Variants in CSNK1D observed in about 807,000 individuals in gnomAD.
The protein encoded by CSNK1D is casein kinase 1 delta, also known as casein kinase I isoform delta.
CSNK1D carries 16 observed loss-of-function variants against 46.6 expected under a neutral mutation model. The observed-to-expected ratio is 0.34, with a 90% CI of 0.23 to 0.52. The LOEUF is 0.52. CSNK1D is among the 20% of genes least tolerant of loss of function. The pLI, the probability that CSNK1D is intolerant of heterozygous loss-of-function variation, is 0.95. For synonymous variants in CSNK1D, 276 were observed against 228.2 expected, an observed-to-expected ratio of 1.21 and a Z score of -1.89; for missense variants, 398 against 578.4, an observed-to-expected ratio of 0.69 and a Z score of 3.20.
intron 1 of CSNK1D, among the ~76,000 whole-genome samples, chr17:82,266,504 C>T (rs2051472340): frequency 1.3e-5 from 2 of 152,240 alleles, no homozygotes; most frequent in South Asian, 4.1e-4. Context: ...GACGATCGGA[C>T]TATGAGTTTG....
intron 3 of CSNK1D, chr17:82,253,484 A>C (rs1291860219): frequency 3.8e-6 from 2 of 519,502 alleles, no homozygotes; most frequent in Non-Finnish European, 7.2e-6. Context: ...CCCACAAAAC[A>C]GAGAGGTGAG....
Position 82,252,450 on chromosome 17 carries a change from C to T in CSNK1D, c.720G>A (p.Leu240=). 6.2e-7 allele frequency: 1 copy of T among 1,614,176 alleles called. No individual in the cohort carries two copies. The highest frequency in any genetic ancestry group is 8.5e-7 in the Non-Finnish European group (1 of 1,180,026). ...GAGACTTACAAGGGTAGCCTTTACA[C>T]AACACTTCGATGGGGGTGGACATTT... The part of the protein sequence containing the change: ...EKKMSTPIEV[L]CKGYPSEFAT... The change falls in exon 5 of 9, where the codon TTG becomes TTA. Residue 240 remains leucine, a synonymous_variant. Transcript: ENST00000314028. The surrounding 1 kb of genome is among the most constrained non-coding windows in gnomAD (Gnocchi z 4.6).
chr17:82,244,311 C>A lies in CSNK1D; in HGVS notation c.*470G>T. The stretch of plus-strand genomic sequence containing the variant: ...GCCTGTCTCAGAATTCCTTAGTCAA[C>A]ATTTTTTTTGTAAGACTGCAAAAAC... On this transcript the variant is annotated 3_prime_UTR_variant, in exon 9 of 9. Transcript: ENST00000314028. 9.1e-7 allele frequency: 1 copy of A among 1,103,498 alleles called. No individual in the cohort carries two copies. 68.4% of individuals were successfully genotyped at this position (1,103,498 alleles called of 1,614,324 possible).
chr17:82,270,147 C>A (rs529721497), intron 1 of CSNK1D, among the ~76,000 whole-genome samples: 49 of 152,172 alleles, frequency 3.2e-4, no homozygotes, highest in Non-Finnish European at 6.3e-4. Flanking sequence ...TTTTGGGGTC[C>A]CACTTTCCAA....
At position 82,250,037 on chromosome 17, in the gene CSNK1D, G is replaced by A. The variant is rs1285113238; in HGVS notation, c.886-435C>T. 11 of 1,261,440 alleles carry A rather than the reference G, an allele frequency of 8.7e-6. No individual in the cohort carries two copies. Among genetic ancestry groups the A allele is most frequent in the Non-Finnish European group, 1.1e-5 (11 of 973,160 alleles). The allele number at this position is 1,261,440 out of a possible 1,614,324, so 78.1% of individuals were successfully genotyped here. ...GGATGAGAGCGTTTGGTCGGACGAG[G>A]AGTACACTCAGGGTCCGGACCCTGC... On this transcript the variant is annotated intron_variant, in intron 6 of 8. Coordinates refer to ENST00000314028, the MANE Select transcript of CSNK1D (RefSeq NM_001893.6). This position sits in a 1 kb window ranked among gnomAD's most constrained non-coding sequence, Gnocchi z 4.6.
At chr17:82,265,639 T>G in intron 2 of CSNK1D, 47 bp downstream of exon 2, 1 of 1,446,660 alleles carries the variant, frequency 6.9e-7, no homozygotes, top group Non-Finnish European at 9.7e-7. Flanking sequence ...CTGTTCTCCC[T>G]TGTCAAACAG....
chr17:82,239,827 G>C (rs2050715277), downstream of CSNK1D: 1 of 419,124 alleles, frequency 2.4e-6, no homozygotes, highest in East Asian at 3.6e-5. Context: ...TGCGTGGTGT[G>C]GTCAGTGCCC....
intron 1 of CSNK1D, among the ~76,000 whole-genome samples, chr17:82,268,995 G>A (rs940217951): frequency 6.6e-6 from 1 of 151,506 alleles, no homozygotes; most frequent in Non-Finnish European, 1.5e-5. Context: ...TACTCAGGAG[G>A]TTGATGCGGA....
chr17:82,260,168 TGTGACTGATGGTGTACTGAGTG>T (rs1470536507), intron 2 of CSNK1D, among the ~76,000 whole-genome samples: 6 of 151,152 alleles, frequency 4.0e-5, no homozygotes, highest in South Asian at 2.1e-4. Context: ...TACTGACTGA[TGTGACTGATGGTGTACTGAGTG>T]GTGACTGATG....
intron 2 of CSNK1D, among the ~76,000 whole-genome samples, chr17:82,258,356 T>C (rs1277949750): frequency 2.0e-5 from 3 of 151,246 alleles, no homozygotes; most frequent in Non-Finnish European, 2.9e-5. Flanking sequence ...ATATTATATA[T>C]ATGCAAATAC....
chr17:82,251,036 C>A lies in CSNK1D; in HGVS notation c.885+343G>T. The A allele has an allele frequency of 5.5e-6, 2 of 365,748 alleles. No individual in the cohort carries two copies. Among genetic ancestry groups the A allele is most frequent in the South Asian group, 4.5e-5 (2 of 44,272 alleles). 22.7% of individuals were successfully genotyped at this position (365,748 alleles called of 1,614,324 possible). ...TCGTGGGCACCACGACCATGTGGCA[C>A]AGCGAATGGGAATGCGCACCCCCAG... is the stretch of plus-strand genomic sequence containing the variant. On this transcript the variant is annotated intron_variant, in intron 6 of 8. Coordinates refer to ENST00000314028, the MANE Select transcript of CSNK1D (RefSeq NM_001893.6). The surrounding 1 kb of genome is among the most constrained non-coding windows in gnomAD (Gnocchi z 4.5).
intron 1 of CSNK1D, among the ~76,000 whole-genome samples, chr17:82,271,096 G>A (rs2051611049): frequency 6.6e-6 from 1 of 152,184 alleles, no homozygotes; most frequent in African/African-American, 2.4e-5. Flanking sequence ...TATTTTTTGA[G>A]ACAGAGTCTC....
chr17:82,273,641 G>A lies in CSNK1D; in HGVS notation c.-260C>T, dbSNP rs1224356160. The A allele has an allele frequency of 5.5e-6, 3 of 549,994 alleles. No homozygotes were observed. Among genetic ancestry groups the A allele is most frequent in the Non-Finnish European group, 9.6e-6 (3 of 314,106 alleles). The allele number at this position is 549,994 out of a possible 1,614,324, so 34.1% of individuals were successfully genotyped here. A position where few individuals can be genotyped will look rare whatever the true frequency, so the allele number is the denominator to read the frequency against. On this transcript the variant is annotated 5_prime_UTR_variant, in exon 1 of 9. Coordinates refer to ENST00000314028, the MANE Select transcript of CSNK1D (RefSeq NM_001893.6). This position sits in a 1 kb window ranked among gnomAD's most constrained non-coding sequence, Gnocchi z 5.1. ...CCCTCTCCCCGCCGCGGATGGACTC[G>A]GATCTTCCGGGCCTAAATCCCCTTT...
chr17:82,249,737 C>G lies in CSNK1D; in HGVS notation c.886-135G>C. On this transcript the variant is annotated intron_variant, in intron 6 of 8. Coordinates refer to ENST00000314028, the MANE Select transcript of CSNK1D (RefSeq NM_001893.6). This position sits in a 1 kb window ranked among gnomAD's most constrained non-coding sequence, Gnocchi z 6.7. ...ACGAGACTGCCTGCAAAGCCCCCCA[C>G]AGGCTGCACGTTTCTCCTCATGGGA... 6.6e-7 allele frequency: 1 copy of G among 1,506,624 alleles called. No individual in the cohort carries two copies. The highest frequency in any genetic ancestry group is 8.8e-7 in the Non-Finnish European group (1 of 1,130,690). The allele number at this position is 1,506,624 out of a possible 1,614,324, so 93.3% of individuals were successfully genotyped here.
In CSNK1D at chr17:82,244,869, G is replaced by T. The variant is rs1273027022; in HGVS notation, c.1198-38C>A. 2.5e-6 allele frequency: 4 copies of T among 1,612,906 alleles called. No homozygotes were observed. The African/African-American group carries it at 5.3e-5, about 22-fold the overall frequency. ...AAGCACAGGAGAAGGTCAGCATGGG[G>T]CTGGGGGAGCCGGCCAGGCAGATAC... On this transcript the variant is annotated intron_variant, in intron 8 of 8. Transcript: ENST00000314028.
downstream of CSNK1D, among the ~76,000 whole-genome samples, chr17:82,242,478 C>T (rs1014118580): frequency 3.3e-5 from 5 of 150,750 alleles, no homozygotes; most frequent in Admixed American, 3.3e-4. Flanking sequence ...CGGCGAGGAG[C>T]AGTCGCCACC....
In CSNK1D at chr17:82,243,434, C is replaced by T; in HGVS notation, c.*1347G>A. On this transcript the variant is annotated 3_prime_UTR_variant, in exon 9 of 9. Transcript: ENST00000314028. The stretch of plus-strand genomic sequence containing the variant: ...TGCGGAGTGAGAGGCGAGAAGGCAT[C>T]CTGGGAACCTCAGGGCACAGCAGCA... 1.0e-6 allele frequency: 1 copy of T among 985,562 alleles called. No homozygotes were observed. 61.1% of individuals were successfully genotyped at this position (985,562 alleles called of 1,614,324 possible). A position where few individuals can be genotyped will look rare whatever the true frequency, so the allele number is the denominator to read the frequency against.
intron 2 of CSNK1D, 21 bp downstream of exon 2, chr17:82,265,665 C>G (rs572224421): frequency 5.1e-6 from 8 of 1,571,990 alleles, no homozygotes; most frequent in Non-Finnish European, 7.0e-6. Flanking sequence ...TGGTGTTGCT[C>G]TGTGACTGGT....
intron 1 of CSNK1D, chr17:82,272,028 A>G (rs369066399): frequency 6.6e-6 from 1 of 152,318 alleles, no homozygotes. Context: ...GCACAATCCC[A>G]CTAACAAGTG....
Sources: allele counts gnomAD v4.1 joint callset (sites outside exome capture counted in the v4.1 genomes callset), GRCh38; gene constraint gnomAD v4.1.1; non-coding constraint Gnocchi (gnomAD v3.1); transcripts MANE v1.5; gene names NCBI Gene and HGNC (gene_info 2026-07-23, HGNC 2026-07-21).